QSER1: variants seen among roughly 807,000 people sequenced by gnomAD.
QSER1 encodes the protein glutamine and serine rich 1, also known as glutamine and serine-rich protein 1.
In QSER1, 49 loss-of-function variants were observed where a neutral mutation model predicts 158.5. The observed-to-expected ratio is 0.31, with a 90% CI of 0.25 to 0.39. The LOEUF (loss-of-function observed/expected upper bound fraction) is 0.39. Among genes scored for constraint, QSER1 ranks in the 10% least tolerant of loss-of-function variants. The pLI, the probability that QSER1 is intolerant of heterozygous loss-of-function variation, is 1.00. For synonymous variants in QSER1, 650 were observed against 715.5 expected (o/e 0.91, Z 1.46); for missense variants, 1,754 against 2,010.3 (o/e 0.87, Z 2.44).
Position 32,933,390 on chromosome 11 carries a change from C to G in QSER1, c.2132C>G (p.Thr711Ser). The change falls in exon 4 of 13, where the codon ACC (threonine) becomes AGC (serine). Residue 711 changes from threonine (T) to serine (S), a missense_variant. Transcript: ENST00000650167. ...CCACAAGCATCTCTTGAGTCATCAA[C>G]CCAAAGGCTATCTGATGGAGAAATT... ...LQPQASLESS[T>S]QRLSDGEINA... The G allele has an allele frequency of 1.2e-6, 2 of 1,613,806 alleles. No homozygotes were observed. Among genetic ancestry groups the G allele is most frequent in the Non-Finnish European group, 1.7e-6 (2 of 1,179,894 alleles).
intron 4 of QSER1, among the ~76,000 whole-genome samples, chr11:32,953,513 T>C (rs757240604): frequency 2.0e-5 from 3 of 152,096 alleles, no homozygotes; most frequent in Non-Finnish European, 4.4e-5. Context: ...AACACTATGC[T>C]CGGCTAATTT....
At chr11:32,964,733 T>TACACACACACACACAC (rs1246383757) in intron 8 of QSER1, among the ~76,000 whole-genome samples, 67 of 115,224 alleles carry the variant, frequency 5.8e-4, no homozygotes, top group Non-Finnish European at 9.6e-4. Context: ...TATATATATA[T>TACACACACACACACAC]ATATATACAC....
intron 8 of QSER1, among the ~76,000 whole-genome samples, chr11:32,963,509 G>A (rs2133596345): frequency 6.6e-6 from 1 of 152,054 alleles, no homozygotes; most frequent in East Asian, 1.9e-4. Context: ...CCGCCATCAT[G>A]CCTGGCTACT....
chr11:32,964,519 T>G (rs1368873438), intron 8 of QSER1, among the ~76,000 whole-genome samples: 2 of 151,992 alleles, frequency 1.3e-5, no homozygotes, highest in African/African-American at 4.8e-5. Context: ...CAAAAGGGTC[T>G]TGGGGTCCCC....
At chr11:32,920,740 A>G (rs1001607102) in intron 1 of QSER1, among the ~76,000 whole-genome samples, 1 of 152,260 alleles carries the variant, frequency 6.6e-6, no homozygotes, top group Non-Finnish European at 1.5e-5. Flanking sequence ...GCAAGTGGTC[A>G]GTAAGCACAT....
At chr11:32,915,924 T>G (rs1477076767) in intron 1 of QSER1, among the ~76,000 whole-genome samples, 2 of 151,924 alleles carry the variant, frequency 1.3e-5, no homozygotes, top group African/African-American at 4.8e-5. Context: ...TAATTTTGTT[T>G]TTTTTTTTTT....
rs141162980 is a variant in QSER1 at position 32,917,192 on chromosome 11, G to A, written c.210-9965G>A. On this transcript the variant is annotated intron_variant, in intron 1 of 12. Transcript: ENST00000650167. ...AGGTTGTAGCATGTATCAGTATTTTGTGCCTCTTCGTGGGTGAATAGTATT... is the reference window on the plus strand; with the variant it reads ...AGGTTGTAGCATGTATCAGTATTTTATGCCTCTTCGTGGGTGAATAGTATT... 2.4e-4 allele frequency among the ~76,000 whole-genome samples: 37 copies of A among 152,322 alleles called. 1 individual carries two copies. In the Middle Eastern group the frequency reaches 0.014, roughly 56 times the overall value.
chr11:32,907,199 T>C (rs1289425946), intron 1 of QSER1, among the ~76,000 whole-genome samples: 1 of 152,218 alleles, frequency 6.6e-6, no homozygotes. Context: ...AGATGACTTT[T>C]CTAAAAGTTT....
At position 32,933,109 on chromosome 11, in the gene QSER1, C is replaced by T; in HGVS notation, c.1851C>T (p.Ser617=). 6.2e-7 allele frequency: 1 copy of T among 1,613,736 alleles called. No homozygotes were observed. Among genetic ancestry groups the T allele is most frequent in the African/African-American group, 1.3e-5 (1 of 75,002 alleles). ...GGGCTCAGAATTTGCCAGACTCTAG[C>T]CCGACCCAGAATTATATTTCTATGC... ...ASRAQNLPDS[S]PTQNYISMHS... Residue 617 remains serine, a synonymous_variant, in exon 4 of 13, where the codon AGC becomes AGT. Coordinates refer to ENST00000650167, the MANE Select transcript of QSER1 (RefSeq NM_001076786.3).
rs1322435881 is a variant in QSER1, at chr11:32,965,685, G to A, written c.4970-615G>A. Among the ~76,000 whole-genome samples the A allele has an allele frequency of 3.3e-5, 5 of 151,998 alleles. No homozygotes were observed. In the East Asian group the frequency reaches 5.8e-4, roughly 18 times the overall value. On this transcript the variant is annotated intron_variant, in intron 8 of 12. Coordinates refer to ENST00000650167, the MANE Select transcript of QSER1 (RefSeq NM_001076786.3). ...GGAAGGGCCAAGCGTGGTGGCTCAC[G>A]CCTGTAATCCCAACACTTTGGTAGG... is the stretch of plus-strand genomic sequence containing the variant.
chr11:32,936,602 ATTG>A (rs1453702272), intron 4 of QSER1, among the ~76,000 whole-genome samples: 1 of 152,226 alleles, frequency 6.6e-6, no homozygotes, highest in East Asian at 1.9e-4. Flanking sequence ...TGAGATACAC[ATTG>A]TTATCTCCAA....
intron 7 of QSER1, among the ~76,000 whole-genome samples, chr11:32,956,543 G>A (rs928767950): frequency 2.2e-4 from 33 of 152,140 alleles, no homozygotes; most frequent in African/African-American, 6.8e-4. Flanking sequence ...CTGTACAAGT[G>A]TACACAGTAG....
Position 32,975,259 on chromosome 11 carries a change from C to G in QSER1, c.5370C>G (p.Val1790=). Residue 1790 remains valine (V), a synonymous_variant, in exon 12 of 13, where the codon GTC becomes GTG. Coordinates refer to ENST00000650167, the MANE Select transcript of QSER1 (RefSeq NM_001076786.3). The part of the protein sequence containing the change: ...TTTKSAQEFA[V]DPEKIQLYSL... ...TTTTCTTTTTATAGGAGTTTGCTGT[C>G]GATCCAGAGAAAATACAGTTGTATT... is the stretch of plus-strand genomic sequence containing the variant. 1 of 1,554,496 alleles carries G rather than the reference C, an allele frequency of 6.4e-7. No homozygotes were observed.
At chr11:32,957,061 A>G (rs1010047226) in intron 7 of QSER1, among the ~76,000 whole-genome samples, 13 of 150,586 alleles carry the variant, frequency 8.6e-5, no homozygotes, top group Non-Finnish European at 3.0e-5. Flanking sequence ...CACCATACCC[A>G]GCTGGCATAC....
chr11:32,917,687 G>A (rs1258125025), intron 1 of QSER1, among the ~76,000 whole-genome samples: 5 of 151,896 alleles, frequency 3.3e-5, no homozygotes, highest in Non-Finnish European at 7.4e-5. Flanking sequence ...CTAACTGGGC[G>A]TGGTGGCACC....
chr11:32,893,015 C>T lies in QSER1; in HGVS notation c.-111C>T, dbSNP rs1339084909. Among the ~76,000 whole-genome samples, 3 of 147,416 alleles carry T rather than the reference C, an allele frequency of 2.0e-5. No homozygotes were observed. In the East Asian group the frequency reaches 5.9e-4, roughly 29 times the overall value. The stretch of plus-strand genomic sequence containing the variant: ...GGCCATGTGAGGGGGCAGCTCCCTC[C>T]ACCGCCGCCGCCCCCTCTTCCTCCC... On this transcript the variant is annotated 5_prime_UTR_variant, in exon 1 of 13. Coordinates refer to ENST00000650167, the MANE Select transcript of QSER1 (RefSeq NM_001076786.3). The surrounding 1 kb of genome is among the most constrained non-coding windows in gnomAD (Gnocchi z 4.7).
chr11:32,925,033 T>C (rs182370018), intron 1 of QSER1, among the ~76,000 whole-genome samples: 34 of 152,332 alleles, frequency 2.2e-4, no homozygotes, highest in African/African-American at 7.7e-4. Flanking sequence ...TCCAGCAGCA[T>C]CCATATTGCT....
rs763226460 is a variant in QSER1 at position 32,934,069 on chromosome 11, T to A, written c.2811T>A (p.His937Gln). 2 of 1,613,930 alleles carry A rather than the reference T, an allele frequency of 1.2e-6. No individual in the cohort carries two copies. The highest frequency in any genetic ancestry group is 1.7e-6 in the Non-Finnish European group (2 of 1,179,970). The change falls in exon 4 of 13, where the codon CAT (histidine) becomes CAA (glutamine). Residue 937 changes from histidine (H) to glutamine (Q), a missense_variant. Physicochemically the swap from His to Gln is conservative, Grantham distance 24. Coordinates refer to ENST00000650167, the MANE Select transcript of QSER1 (RefSeq NM_001076786.3). ...AGTCTTCAAAACCATTACAACAACA[T>A]CTAACAACAAAGGGCCATTTTAGTG... ...LSESSKPLQQ[H>Q]LTTKGHFSET...
chr11:32,967,801 A>G (rs1276399902), intron 9 of QSER1, among the ~76,000 whole-genome samples: 9 of 152,186 alleles, frequency 5.9e-5, no homozygotes. Flanking sequence ...TTTTCTTACC[A>G]CCTAATCAGA....
Sources: allele counts gnomAD v4.1 joint callset (sites outside exome capture counted in the v4.1 genomes callset), GRCh38; gene constraint gnomAD v4.1.1; non-coding constraint Gnocchi (gnomAD v3.1); transcripts MANE v1.5; gene names NCBI Gene and HGNC (gene_info 2026-07-23, HGNC 2026-07-21).